FOXJ3: variants seen among roughly 807,000 people sequenced by gnomAD.
FOXJ3 encodes forkhead box protein J3.
Under a neutral mutation model 76.1 loss-of-function variants are expected in FOXJ3, and 22 were observed. The ratio of observed to expected loss-of-function variants is 0.29; its 90% CI spans 0.21 to 0.41. FOXJ3 has a LOEUF of 0.41. Among genes scored for constraint, FOXJ3 ranks in the 10% least tolerant of loss-of-function variants. The pLI, the probability that FOXJ3 is intolerant of heterozygous loss-of-function variation, is 1.00. For missense variants in FOXJ3, 613 were observed against 762.1 expected, an observed-to-expected ratio of 0.80 and a Z score of 2.30; for synonymous variants, 269 against 261.2, an observed-to-expected ratio of 1.03 and a Z score of -0.29.
At chr1:42,268,618 T>C (rs912515220) in intron 3 of FOXJ3, among the ~76,000 whole-genome samples, 2 of 152,124 alleles carry the variant, frequency 1.3e-5, no homozygotes, top group South Asian at 2.1e-4. Context: ...TTTGGAACCA[T>C]GTAAAAGTAA....
intron 11 of FOXJ3, among the ~76,000 whole-genome samples, chr1:42,186,824 G>C (rs1019973988): frequency 6.6e-6 from 1 of 152,128 alleles, no homozygotes. Context: ...TGCCTAACAT[G>C]TACACTGGCT....
At chr1:42,288,641 G>A (rs1234486491) in intron 2 of FOXJ3, among the ~76,000 whole-genome samples, 10 of 152,176 alleles carry the variant, frequency 6.6e-5, no homozygotes, top group Admixed American at 5.2e-4. Context: ...GTGGTCCAGA[G>A]ACCCTTCAGG....
At chr1:42,205,907 C>T (rs748597368) in intron 5 of FOXJ3, 44 bp from the exon 6 acceptor site, 1 of 1,160,230 alleles carries the variant, frequency 8.6e-7, no homozygotes, top group East Asian at 2.4e-5. Flanking sequence ...CTCATATATC[C>T]AGCAACTTTA....
At chr1:42,224,550 G>C (rs926773169) in intron 5 of FOXJ3, among the ~76,000 whole-genome samples, 12 of 151,796 alleles carry the variant, frequency 7.9e-5, no homozygotes, top group African/African-American at 2.9e-4. Flanking sequence ...CTACTCGGAG[G>C]GGCTAAGGCA....
intron 4 of FOXJ3, among the ~76,000 whole-genome samples, chr1:42,235,571 T>TG (rs949180080): frequency 5.5e-4 from 48 of 87,380 alleles, no homozygotes; most frequent in South Asian, 1.1e-3. Flanking sequence ...TGTTTTTTTG[T>TG]TTTTTTTTTG....
At chr1:42,254,746 T>C (rs1411891497) in intron 4 of FOXJ3, among the ~76,000 whole-genome samples, 3 of 146,538 alleles carry the variant, frequency 2.0e-5, no homozygotes, top group Non-Finnish European at 4.5e-5. Flanking sequence ...TTCTCACTCA[T>C]AGATGGGAAT....
At chr1:42,292,461 A>G (rs757662727) in intron 2 of FOXJ3, among the ~76,000 whole-genome samples, 4 of 152,246 alleles carry the variant, frequency 2.6e-5, no homozygotes, top group Non-Finnish European at 4.4e-5. Context: ...AATATACCCA[A>G]TGGAATAAAA....
At chr1:42,221,357 T>G (rs1647182727) in intron 5 of FOXJ3, among the ~76,000 whole-genome samples, 1 of 152,104 alleles carries the variant, frequency 6.6e-6, no homozygotes, top group African/African-American at 2.4e-5. Flanking sequence ...AGATTTAAGT[T>G]AAAAAGGGGG....
chr1:42,333,279 T>C (rs181114713), intron 1 of FOXJ3, among the ~76,000 whole-genome samples: 2 of 152,012 alleles, frequency 1.3e-5, no homozygotes, highest in African/African-American at 4.8e-5. Flanking sequence ...ACTCAAAGAA[T>C]GTACAATGTG....
At chr1:42,199,634 AG>A (rs779589196) in intron 6 of FOXJ3, among the ~76,000 whole-genome samples, 1 of 150,480 alleles carries the variant, frequency 6.6e-6, no homozygotes, top group Non-Finnish European at 1.5e-5. Context: ...AAAAAAAAAA[AG>A]ATTTTTTTTT....
At chr1:42,215,049 C>A (rs191910794) in intron 5 of FOXJ3, among the ~76,000 whole-genome samples, 1 of 152,238 alleles carries the variant, frequency 6.6e-6, no homozygotes, top group East Asian at 1.9e-4. Context: ...AACCCAGAGT[C>A]TATAAAAACA....
At chr1:42,210,455 A>C (rs1466817189) in intron 5 of FOXJ3, among the ~76,000 whole-genome samples, 1 of 152,144 alleles carries the variant, frequency 6.6e-6, no homozygotes, top group Non-Finnish European at 1.5e-5. Context: ...GTTCTTTTGC[A>C]AGCATCACCT....
intron 4 of FOXJ3, among the ~76,000 whole-genome samples, chr1:42,261,364 A>G (rs1035363763): frequency 6.6e-6 from 1 of 152,166 alleles, no homozygotes; most frequent in Non-Finnish European, 1.5e-5. Context: ...AAAAAGCAGC[A>G]AAGTGGATGC....
intron 11 of FOXJ3, among the ~76,000 whole-genome samples, chr1:42,184,764 T>A (rs956212095): frequency 1.3e-5 from 2 of 151,948 alleles, no homozygotes; most frequent in Non-Finnish European, 2.9e-5. Context: ...AAGGAAGGCA[T>A]CCCCTGAGCA....
chr1:42,324,032 T>C (rs1457077192), intron 1 of FOXJ3, among the ~76,000 whole-genome samples: 9 of 70,274 alleles, frequency 1.3e-4, no homozygotes, highest in African/African-American at 2.7e-4. Flanking sequence ...AGTATATATA[T>C]ACACACTATA....
intron 1 of FOXJ3, among the ~76,000 whole-genome samples, chr1:42,312,643 A>C (rs967556820): frequency 1.3e-5 from 2 of 152,246 alleles, no homozygotes; most frequent in African/African-American, 4.8e-5. Context: ...CAGAATCCAA[A>C]AACTAGGTGA....
intron 5 of FOXJ3, among the ~76,000 whole-genome samples, chr1:42,210,046 A>G (rs1646935857): frequency 6.6e-6 from 1 of 152,204 alleles, no homozygotes; most frequent in Non-Finnish European, 1.5e-5. Context: ...CTACAACCCA[A>G]CTAGCTGCTG....
chr1:42,246,025 G>A (rs891384985), intron 4 of FOXJ3, among the ~76,000 whole-genome samples: 11 of 152,044 alleles, frequency 7.2e-5, no homozygotes, highest in African/African-American at 2.4e-4. Flanking sequence ...ATGGATTAAA[G>A]ACCTAAATGA....
chr1:42,304,767 T>C (rs947775317), intron 2 of FOXJ3, among the ~76,000 whole-genome samples: 1 of 152,110 alleles, frequency 6.6e-6, no homozygotes, highest in African/African-American at 2.4e-5. Context: ...AAGCCTTAAA[T>C]CTAAGACCTC....
Sources: allele counts gnomAD v4.1 joint callset (sites outside exome capture counted in the v4.1 genomes callset), GRCh38; gene constraint gnomAD v4.1.1; transcripts MANE v1.5; gene names NCBI Gene and HGNC (gene_info 2026-07-23, HGNC 2026-07-21).